Variants in HSD17B3 observed in about 807,000 individuals in gnomAD.
The protein encoded by HSD17B3 is 17-beta-hydroxysteroid dehydrogenase type 3.
Under a neutral mutation model 41.1 loss-of-function variants are expected in HSD17B3, and 29 were observed. The ratio of observed to expected loss-of-function variants is 0.71; its 90% confidence interval spans 0.53 to 0.96. The LOEUF is 0.96. Ranked by LOEUF, HSD17B3 falls within the 40% of genes least tolerant of loss-of-function variation. The probability of loss-of-function intolerance (pLI) is 0.00; values close to 1 mark genes in which losing one functional copy is unlikely to be tolerated. For synonymous variants in HSD17B3, 126 were observed against 145.6 expected (o/e 0.87, Z 0.97); for missense variants, 323 against 374.6 (o/e 0.86, Z 1.14).
At chr9:96,294,250 C>A (rs376025675) in intron 2 of HSD17B3, among the ~76,000 whole-genome samples, 42 of 140,700 alleles carry the variant, frequency 3.0e-4, no homozygotes, top group Admixed American at 3.6e-4. Flanking sequence ...CTCATCTCTA[C>A]AAAAAAAAAA....
At chr9:96,289,035 G>A (rs1827043192) in intron 2 of HSD17B3, among the ~76,000 whole-genome samples, 1 of 151,932 alleles carries the variant, frequency 6.6e-6, no homozygotes, top group Non-Finnish European at 1.5e-5. Context: ...CTTGAGCCCA[G>A]GAGGTCAAGA....
At chr9:96,247,507 T>C (rs2130719001) in intron 6 of HSD17B3, among the ~76,000 whole-genome samples, 1 of 152,224 alleles carries the variant, frequency 6.6e-6, no homozygotes, top group East Asian at 1.9e-4. Flanking sequence ...CTCCAGGGAA[T>C]GTCTTCGCTG....
intron 2 of HSD17B3, among the ~76,000 whole-genome samples, chr9:96,260,741 G>A (rs1474123294): frequency 6.6e-6 from 1 of 152,152 alleles, no homozygotes. Flanking sequence ...CTCCAGCCTG[G>A]CGACAGAGTG....
At chr9:96,256,579 G>C (rs1825669953) in intron 2 of HSD17B3, among the ~76,000 whole-genome samples, 1 of 152,190 alleles carries the variant, frequency 6.6e-6, no homozygotes, top group African/African-American at 2.4e-5. Flanking sequence ...GCTGAGGCAG[G>C]AGAATCGCTT....
chr9:96,236,931 T>C (rs1356809156), intron 10 of HSD17B3, among the ~76,000 whole-genome samples: 1 of 152,186 alleles, frequency 6.6e-6, no homozygotes, highest in Non-Finnish European at 1.5e-5. Flanking sequence ...CTTGAGCTTT[T>C]AGGGGAGCTA....
At chr9:96,251,251 T>C (rs1048941358) in intron 5 of HSD17B3, 167 bp downstream of exon 5, 9 of 626,122 alleles carry the variant, frequency 1.4e-5, no homozygotes, top group Non-Finnish European at 2.3e-5. Context: ...CTCTTGACTG[T>C]GGATCGAGTG....
At chr9:96,277,340 C>T (rs1203401712) in intron 2 of HSD17B3, among the ~76,000 whole-genome samples, 1 of 152,014 alleles carries the variant, frequency 6.6e-6, no homozygotes, top group African/African-American at 2.4e-5. Context: ...GATATTCAAA[C>T]TATATAAAGA....
chr9:96,248,698 G>T (rs1429227921), intron 6 of HSD17B3, among the ~76,000 whole-genome samples: 1 of 152,184 alleles, frequency 6.6e-6, no homozygotes, highest in Non-Finnish European at 1.5e-5. Context: ...ATCCCCAGAG[G>T]AAGGGGGAAC....
chr9:96,297,875 C>G (rs1045712132), intron 2 of HSD17B3, among the ~76,000 whole-genome samples: 1 of 152,064 alleles, frequency 6.6e-6, no homozygotes, highest in Non-Finnish European at 1.5e-5. Context: ...GTATAATTAT[C>G]AATCTATCTA....
intron 10 of HSD17B3, among the ~76,000 whole-genome samples, chr9:96,236,255 A>ATG (rs1205118684): frequency 6.6e-6 from 1 of 151,264 alleles, no homozygotes; most frequent in East Asian, 2.0e-4. Context: ...GGTGGCTCAC[A>ATG]CCTGTAATCT....
intron 2 of HSD17B3, among the ~76,000 whole-genome samples, chr9:96,273,057 T>G (rs1826324601): frequency 6.6e-6 from 1 of 152,180 alleles, no homozygotes; most frequent in African/African-American, 2.4e-5. Flanking sequence ...CAGAAGGGAC[T>G]GGGAGGAAAG....
chr9:96,250,641 C>A (rs1381921490), intron 5 of HSD17B3, among the ~76,000 whole-genome samples: 1 of 152,140 alleles, frequency 6.6e-6, no homozygotes, highest in Non-Finnish European at 1.5e-5. Context: ...CATCCCAGCA[C>A]TTTGGGAGGC....
At chr9:96,285,252 A>T (rs1271705453) in intron 2 of HSD17B3, among the ~76,000 whole-genome samples, 1 of 152,238 alleles carries the variant, frequency 6.6e-6, no homozygotes, top group Non-Finnish European at 1.5e-5. Flanking sequence ...ATTTGTCTTT[A>T]CTAAAAATGG....
rs549790442 is a variant in HSD17B3 at position 96,294,995 on chromosome 9, C to G, written c.201+3421G>C. ...GCAGATGAAGGACGGGGGTCAGACA[C>G]GAGGAGCTTTTTTTTTTTTTTTTTT... On this transcript the variant is annotated intron_variant, in intron 2 of 10. Coordinates refer to ENST00000375263, the MANE Select transcript of HSD17B3 (RefSeq NM_000197.2). Among the ~76,000 whole-genome samples, 643 of 142,172 alleles carry G rather than the reference C, an allele frequency of 4.5e-3. 6 individuals carry two copies. The highest frequency in any genetic ancestry group is 0.016 in the African/African-American group (621 of 38,526). The allele number at this position is 142,172 out of a possible 152,430, so 93.3% of individuals were successfully genotyped here.
In HSD17B3 at chr9:96,248,907, A is replaced by ATT. The variant is rs11417524; in HGVS notation, c.489+842_489+843dup. Among the ~76,000 whole-genome samples, 475 of 142,266 alleles carry ATT rather than the reference A, an allele frequency of 3.3e-3. 1 individual carries two copies. The highest frequency in any genetic ancestry group is 5.5e-3 in the African/African-American group (214 of 39,098). The allele number at this position is 142,266 out of a possible 152,430, so 93.3% of individuals were successfully genotyped here. ...CTAAGACATCTCTTGATCCACAGCC[A>ATT]TTTTTTTTTTTTTTTGGAGACAGAG... On this transcript the variant is annotated intron_variant, in intron 6 of 10. Transcript: ENST00000375263.
At chr9:96,263,455 C>T (rs1456923102) in intron 2 of HSD17B3, among the ~76,000 whole-genome samples, 4 of 151,998 alleles carry the variant, frequency 2.6e-5, no homozygotes, top group East Asian at 1.9e-4. Flanking sequence ...CGGTGGCTCA[C>T]GCCTGTAATC....
At position 96,246,672 on chromosome 9, in the gene HSD17B3, G is replaced by A. The variant is rs8190548; in HGVS notation, c.490-82C>T. The A allele has an allele frequency of 3.3e-3, 4,063 of 1,226,556 alleles. 99 individuals are homozygous for A. In the Admixed American group the frequency reaches 0.043, roughly 13 times the overall value. 76.0% of individuals were successfully genotyped at this position (1,226,556 alleles called of 1,614,324 possible). ...GCGGGATGGAAACAGGGAAGGGAGC[G>A]CGGGAGGAAGCTGGGAAAGAGCCTC... On this transcript the variant is annotated intron_variant, in intron 6 of 10. Coordinates refer to ENST00000375263, the MANE Select transcript of HSD17B3 (RefSeq NM_000197.2).
rs184260655 is a variant in HSD17B3 at position 96,243,473 on chromosome 9, C to T, written c.672+856G>A. On this transcript the variant is annotated intron_variant, in intron 9 of 10. Transcript: ENST00000375263. ...GTAGCTGGTTAGTTTATAGGAACAG[C>T]TGCCTAAAATACTCTCACTGGATAT... 2.8e-3 allele frequency among the ~76,000 whole-genome samples: 421 copies of T among 152,314 alleles called. 1 individual carries two copies. Among genetic ancestry groups the T allele is most frequent in the African/African-American group, 9.7e-3 (403 of 41,568 alleles).
At chr9:96,258,487 G>T (rs893384421) in intron 2 of HSD17B3, among the ~76,000 whole-genome samples, 1 of 152,116 alleles carries the variant, frequency 6.6e-6, no homozygotes. Context: ...CCACGCCAGG[G>T]CCACTTCTGA....
Sources: gnomAD v4.1 joint callset for allele counts (sites outside exome capture counted in the v4.1 genomes callset) on GRCh38, gnomAD v4.1.1 for gene constraint, MANE v1.5 for transcripts, NCBI Gene and HGNC (gene_info 2026-07-23, HGNC 2026-07-21) for gene names.